The following SMC5 variants were observed in gnomAD, a reference collection of about 807,000 sequenced individuals.
The protein encoded by SMC5 is structural maintenance of chromosomes 5, also known as structural maintenance of chromosomes protein 5.
SMC5 carries 88 observed loss-of-function variants against 148.3 expected under a neutral mutation model. The ratio of observed to expected loss-of-function variants is 0.59; its 90% CI spans 0.50 to 0.71. The LOEUF (loss-of-function observed/expected upper bound fraction) is 0.71, where lower values mean the gene tolerates loss of function less well. SMC5 is among the 30% of genes least tolerant of loss of function. The probability of loss-of-function intolerance (pLI) is 0.00; values close to 1 mark genes in which losing one functional copy is unlikely to be tolerated. For synonymous variants in SMC5, 421 were observed against 432.8 expected (o/e 0.97, Z 0.34); for missense variants, 1,142 against 1,298.9 (o/e 0.88, Z 1.86).
At chr9:70,317,590 A>G (rs2035836876) in intron 13 of SMC5, among the ~76,000 whole-genome samples, 1 of 152,188 alleles carries the variant, frequency 6.6e-6, no homozygotes, top group East Asian at 1.9e-4. Context: ...CTGGAAGGAA[A>G]CAAGCTACAG....
chr9:70,312,195 C>T (rs796545424), intron 11 of SMC5: 8 of 150,254 alleles, frequency 5.3e-5, no homozygotes, highest in Non-Finnish European at 1.2e-4. Flanking sequence ...TTAATTGACT[C>T]ACAGTTCTGC....
At chr9:70,316,786 T>G (rs940722033) in intron 13 of SMC5, among the ~76,000 whole-genome samples, 1 of 152,132 alleles carries the variant, frequency 6.6e-6, no homozygotes, top group Non-Finnish European at 1.5e-5. Flanking sequence ...TACTTTTACT[T>G]TTAACATTTT....
chr9:70,285,008 T>A (rs1017862578), intron 7 of SMC5, among the ~76,000 whole-genome samples: 1 of 152,066 alleles, frequency 6.6e-6, no homozygotes, highest in South Asian at 2.1e-4. Flanking sequence ...GCAAATCGTT[T>A]AGTCTCTCTG....
Position 70,315,545 on chromosome 9 carries a change from A to G in SMC5, c.1773A>G (p.Val591=), listed in dbSNP as rs932304033. Residue 591 remains valine, a synonymous_variant, in exon 13 of 25, where the codon GTA becomes GTG. Coordinates refer to ENST00000361138, the MANE Select transcript of SMC5 (RefSeq NM_015110.4). The stretch of plus-strand genomic sequence containing the variant: ...AGTATCATATTCATGAAGTTCCTGT[A>G]GGAACTGAAAAGACCAGAGAAAGAA... The part of the protein sequence containing the change: ...CCQYHIHEVP[V]GTEKTRERIE... 6.9e-6 allele frequency: 11 copies of G among 1,593,518 alleles called. No homozygotes were observed. Among genetic ancestry groups the G allele is most frequent in the African/African-American group, 1.3e-5 (1 of 74,706 alleles).
chr9:70,345,510 A>C (rs945575732), intron 18 of SMC5, among the ~76,000 whole-genome samples: 2 of 152,114 alleles, frequency 1.3e-5, no homozygotes, highest in African/African-American at 4.8e-5. Context: ...GTCCTGAATG[A>C]AGAGAACAGA....
chr9:70,322,103 T>C (rs11142367), intron 15 of SMC5, among the ~76,000 whole-genome samples: 32,166 of 152,194 alleles, frequency 0.21, 3,535 homozygotes, highest in South Asian at 0.28. Context: ...TTGTTTATGT[T>C]TTTTTAAAGC....
intron 15 of SMC5, among the ~76,000 whole-genome samples, chr9:70,321,034 TCA>T (rs995335640): frequency 2.0e-5 from 3 of 152,186 alleles, no homozygotes; most frequent in African/African-American, 2.4e-5. Flanking sequence ...AGTTTTTAAC[TCA>T]CAGACTCCTG....
intron 3 of SMC5, among the ~76,000 whole-genome samples, chr9:70,274,536 T>TTTAAACTA (rs2034537255): frequency 6.6e-6 from 1 of 152,044 alleles, no homozygotes; most frequent in East Asian, 1.9e-4. Context: ...TAATATCTTT[T>TTTAAACTA]GTTATCTCAT....
rs1379425772 is a variant in SMC5 at position 70,323,529 on chromosome 9, C to T, written c.2197C>T (p.Arg733Ter). The change falls in exon 16 of 25, where the codon CGA becomes TGA. Residue 733 changes from arginine (R) to a stop codon, truncating the protein, a stop_gained. Coordinates refer to ENST00000361138, the MANE Select transcript of SMC5 (RefSeq NM_015110.4). LOFTEE classifies it high-confidence loss of function. ...TACTTGCAATCTTGAAGAGGAAGAG[C>T]GAAAAGCAAGTACCAAAATCAAAGA... ...QDTCNLEEEE[R>*]KASTKIKEIN... 2.5e-6 allele frequency: 4 copies of T among 1,611,466 alleles called. No individual in the cohort carries two copies. The highest frequency in any genetic ancestry group is 3.4e-6 in the Non-Finnish European group (4 of 1,179,222).
intron 1 of SMC5, among the ~76,000 whole-genome samples, chr9:70,259,799 A>C (rs966752803): frequency 3.9e-5 from 6 of 152,140 alleles, no homozygotes; most frequent in African/African-American, 1.4e-4. Flanking sequence ...CCTTGACCCC[A>C]CTAAACCCAG....
At chr9:70,337,064 C>A (rs2036376254) in intron 17 of SMC5, among the ~76,000 whole-genome samples, 1 of 152,132 alleles carries the variant, frequency 6.6e-6, no homozygotes, top group Admixed American at 6.5e-5. Flanking sequence ...GTCATGAGAA[C>A]AGCACAGGAA....
At chr9:70,284,222 C>G (rs941497457) in intron 7 of SMC5, among the ~76,000 whole-genome samples, 2 of 152,154 alleles carry the variant, frequency 1.3e-5, no homozygotes, top group African/African-American at 4.8e-5. Context: ...AATTATTGCA[C>G]TCAAGTCCAA....
chr9:70,342,902 G>A (rs1234113531), intron 17 of SMC5, among the ~76,000 whole-genome samples: 1 of 152,086 alleles, frequency 6.6e-6, no homozygotes, highest in African/African-American at 2.4e-5. Context: ...ATAATCACCT[G>A]TCCTTGGAAT....
intron 8 of SMC5, among the ~76,000 whole-genome samples, chr9:70,289,138 A>G (rs1291252360): frequency 6.6e-6 from 1 of 152,024 alleles, no homozygotes; most frequent in Non-Finnish European, 1.5e-5. Flanking sequence ...CCCCGGTTCA[A>G]GCGATTCTCC....
At chr9:70,294,577 G>A (rs948358803) in intron 8 of SMC5, among the ~76,000 whole-genome samples, 4 of 152,036 alleles carry the variant, frequency 2.6e-5, no homozygotes, top group African/African-American at 9.7e-5. Context: ...ACCTTGTGGG[G>A]GTCAAAAGAT....
intron 18 of SMC5, chr9:70,346,386 CA>C: frequency 1.7e-6 from 1 of 582,082 alleles, no homozygotes; most frequent in South Asian, 2.2e-5. Context: ...TGTGCTAGGC[CA>C]AACAATGTAC....
intron 18 of SMC5, among the ~76,000 whole-genome samples, chr9:70,345,087 A>G (rs1411161555): frequency 6.6e-6 from 1 of 152,184 alleles, no homozygotes; most frequent in African/African-American, 2.4e-5. Flanking sequence ...AGATATCTTT[A>G]AAACAAATTG....
intron 2 of SMC5, among the ~76,000 whole-genome samples, chr9:70,267,084 A>C (rs1267863542): frequency 6.6e-6 from 1 of 151,420 alleles, no homozygotes; most frequent in Non-Finnish European, 1.5e-5. Context: ...TATTGTCTAT[A>C]AAATGAATGT....
intron 20 of SMC5, 121 bp downstream of exon 20, chr9:70,347,282 G>T (rs1203290329): frequency 3.0e-6 from 2 of 670,982 alleles, no homozygotes; most frequent in Non-Finnish European, 5.0e-6. Flanking sequence ...TAGAGCTCTT[G>T]GTAATAATAA....
Sources: allele counts gnomAD v4.1 joint callset (sites outside exome capture counted in the v4.1 genomes callset), GRCh38; gene constraint gnomAD v4.1.1; transcripts MANE v1.5; gene names NCBI Gene and HGNC (gene_info 2026-07-23, HGNC 2026-07-21).